The following TANGO6 variants were observed in gnomAD, a reference collection of about 807,000 sequenced individuals.
The protein encoded by TANGO6 is transport and golgi organization 6 homolog.
In TANGO6, 90 loss-of-function variants were observed where a neutral mutation model predicts 114.2. That is an observed-to-expected ratio of 0.79 (90% confidence interval 0.66 to 0.94). The LOEUF is 0.94. TANGO6 is among the 40% of genes least tolerant of loss of function. The probability of loss-of-function intolerance (pLI) is 0.00; values close to 1 mark genes in which losing one functional copy is unlikely to be tolerated. For missense variants in TANGO6, 1,274 were observed against 1,315.3 expected (o/e 0.97, Z 0.49); for synonymous variants, 477 against 509.8 (o/e 0.94, Z 0.87).
intron 16 of TANGO6, among the ~76,000 whole-genome samples, chr16:69,028,869 A>AG (rs1445374429): frequency 6.6e-6 from 1 of 150,596 alleles, no homozygotes; most frequent in African/African-American, 2.5e-5. Context: ...AAAAAAAAAA[A>AG]AAAAAGAAAA....
rs545501556 is a variant in TANGO6, at chr16:69,027,701, C to A, written c.2994+4722C>A. Among the ~76,000 whole-genome samples, 10 of 151,776 alleles carry A rather than the reference C, an allele frequency of 6.6e-5. No individual in the cohort carries two copies. In the South Asian group the frequency reaches 1.7e-3, roughly 25 times the overall value. ...ATTTTTTTTTCTCTATTTTCTTGGT[C>A]TCTTCACATAACCCAAACCAAACTG... On this transcript the variant is annotated intron_variant, in intron 16 of 17. Coordinates refer to ENST00000261778, the MANE Select transcript of TANGO6 (RefSeq NM_024562.2).
At chr16:69,014,626 G>A (rs1959257497) in intron 15 of TANGO6, among the ~76,000 whole-genome samples, 1 of 152,134 alleles carries the variant, frequency 6.6e-6, no homozygotes, top group Non-Finnish European at 1.5e-5. Context: ...TGGGCACAGT[G>A]GCTCACACTT....
intron 7 of TANGO6, among the ~76,000 whole-genome samples, chr16:68,896,694 T>C (rs1368574229): frequency 1.3e-5 from 2 of 152,160 alleles, no homozygotes; most frequent in Non-Finnish European, 2.9e-5. Flanking sequence ...AATTTACTAT[T>C]AGTGTTGGAA....
intron 11 of TANGO6, among the ~76,000 whole-genome samples, chr16:68,915,719 A>T (rs1567538982): frequency 1.3e-5 from 2 of 152,242 alleles, no homozygotes. Context: ...TGCCTTAAAC[A>T]GCATTGTTCA....
intron 14 of TANGO6, among the ~76,000 whole-genome samples, chr16:68,931,831 G>A (rs80001057): frequency 6.6e-6 from 1 of 152,114 alleles, no homozygotes; most frequent in Admixed American, 6.6e-5. Flanking sequence ...GCACAGCTCT[G>A]TGAGTATGCT....
At position 68,878,243 on chromosome 16, in the gene TANGO6, A is replaced by G. The variant is rs779668324; in HGVS notation, c.1257A>G (p.Pro419=). Reference sequence around the variant, plus strand: ...TGGCAGCAAAGTATTTGCTCCAGCCAGTGTTAGCTCCTCTTCATCGATGTT... The same window carrying G: ...TGGCAGCAAAGTATTTGCTCCAGCCGGTGTTAGCTCCTCTTCATCGATGTT... ...PHLAAKYLLQ[P]VLAPLHRCLN... is the part of the protein sequence containing the mutation. Residue 419 remains proline (P), a synonymous_variant, in exon 6 of 18, where the codon CCA becomes CCG. Transcript: ENST00000261778. 3 of 1,612,660 alleles carry G rather than the reference A, an allele frequency of 1.9e-6. No homozygotes were observed. The highest frequency in any genetic ancestry group is 2.7e-5 in the African/African-American group (2 of 75,032).
At chr16:68,902,211 T>C (rs1962794224) in intron 8 of TANGO6, 117 bp from the exon 9 acceptor site, 1 of 929,294 alleles carries the variant, frequency 1.1e-6, no homozygotes, top group Non-Finnish European at 1.6e-6. Context: ...TACTAGGAGA[T>C]TGTGCCAGCA....
chr16:69,063,802 C>CTTATTATTATTATTA (rs1458969247), intron 17 of TANGO6, among the ~76,000 whole-genome samples: 1 of 124,436 alleles, frequency 8.0e-6, no homozygotes. Flanking sequence ...TCTTCTTCTT[C>CTTATTATTATTATTA]TTCTTCTTAT....
chr16:68,972,042 T>C (rs1963711165), intron 14 of TANGO6, among the ~76,000 whole-genome samples: 1 of 151,990 alleles, frequency 6.6e-6, no homozygotes, highest in South Asian at 2.1e-4. Flanking sequence ...CAGTGTCACA[T>C]TTTGGCAACA....
At chr16:68,906,739 A>G (rs1182016165) in intron 9 of TANGO6, among the ~76,000 whole-genome samples, 1 of 151,546 alleles carries the variant, frequency 6.6e-6, no homozygotes. Context: ...CACTGTGCCC[A>G]GCTAATATCC....
At chr16:69,021,789 C>G (rs913605454) in intron 15 of TANGO6, among the ~76,000 whole-genome samples, 4 of 151,734 alleles carry the variant, frequency 2.6e-5, no homozygotes, top group African/African-American at 9.7e-5. Context: ...TTTGTGTGAC[C>G]ATGGGCTAAT....
At chr16:68,899,575 G>A (rs1363957653) in intron 7 of TANGO6, among the ~76,000 whole-genome samples, 2 of 151,270 alleles carry the variant, frequency 1.3e-5, no homozygotes, top group African/African-American at 4.9e-5. Flanking sequence ...TGTAGAGCCA[G>A]TACAGATCTA....
chr16:69,001,166 A>T (rs1964038542), intron 15 of TANGO6, among the ~76,000 whole-genome samples: 1 of 152,196 alleles, frequency 6.6e-6, no homozygotes, highest in South Asian at 2.1e-4. Context: ...ACAGGACAGA[A>T]TGGCCTATAA....
intron 14 of TANGO6, among the ~76,000 whole-genome samples, chr16:68,954,412 G>A (rs1447170257): frequency 6.6e-6 from 1 of 152,118 alleles, no homozygotes; most frequent in Non-Finnish European, 1.5e-5. Context: ...GAGTGGGTTT[G>A]GAGCACCAGG....
intron 9 of TANGO6, among the ~76,000 whole-genome samples, chr16:68,907,157 C>A (rs1191837714): frequency 1.4e-5 from 2 of 143,414 alleles, no homozygotes; most frequent in Non-Finnish European, 3.0e-5. Flanking sequence ...TTGTGTTAGC[C>A]AGGATGGTTT....
chr16:68,939,062 A>G (rs1597029159), intron 14 of TANGO6, among the ~76,000 whole-genome samples: 1 of 133,438 alleles, frequency 7.5e-6, no homozygotes, highest in African/African-American at 2.9e-5. Context: ...ACAGAGTGAG[A>G]CCCTGTCCCC....
chr16:68,966,666 G>A (rs1597039946), intron 14 of TANGO6, among the ~76,000 whole-genome samples: 2 of 151,966 alleles, frequency 1.3e-5, no homozygotes, highest in East Asian at 3.9e-4. Context: ...GTGTGGTGGT[G>A]TTGTGCTAGC....
intron 4 of TANGO6, 170 bp downstream of exon 4, chr16:68,867,390 C>T (rs769695823): frequency 8.3e-6 from 6 of 722,436 alleles, no homozygotes; most frequent in African/African-American, 1.8e-5. Flanking sequence ...GCTTCTTTTC[C>T]AAAGAAACTA....
rs144307418 is a variant in TANGO6, at chr16:68,861,348, C to T, written c.735+824C>T. Among the ~76,000 whole-genome samples the T allele has an allele frequency of 3.4e-3, 520 of 152,326 alleles. 2 individuals are homozygous for T. Among genetic ancestry groups the T allele is most frequent in the African/African-American group, 0.012 (485 of 41,574 alleles). ...TCACAATGTTCTCGTTTCTCTGTCA[C>T]CCGCCTGTGTCATCGTTGTCGTTGT... On this transcript the variant is annotated intron_variant, in intron 2 of 17. Coordinates refer to ENST00000261778, the MANE Select transcript of TANGO6 (RefSeq NM_024562.2).
Sources: gnomAD v4.1 joint callset for allele counts (sites outside exome capture counted in the v4.1 genomes callset) on GRCh38, gnomAD v4.1.1 for gene constraint, MANE v1.5 for transcripts, NCBI Gene and HGNC (gene_info 2026-07-23, HGNC 2026-07-21) for gene names.